Variants in SCAPER observed in about 807,000 individuals in gnomAD.
SCAPER encodes S phase cyclin A-associated protein in the endoplasmic reticulum.
In SCAPER, 98 loss-of-function variants were observed where a neutral mutation model predicts 182.2. The observed-to-expected ratio is 0.54, with a 90% CI of 0.46 to 0.64. SCAPER has a LOEUF of 0.64. Ranked by LOEUF, SCAPER falls within the 30% of genes least tolerant of loss-of-function variation. The probability of loss-of-function intolerance (pLI) is 0.00; values close to 1 mark genes in which losing one functional copy is unlikely to be tolerated. For synonymous variants in SCAPER, 605 were observed against 564.6 expected (o/e 1.07, Z -1.01); for missense variants, 1,432 against 1,690.0 (o/e 0.85, Z 2.68).
intron 7 of SCAPER, among the ~76,000 whole-genome samples, chr15:76,798,593 G>A (rs1020626053): frequency 2.6e-5 from 4 of 151,958 alleles, no homozygotes; most frequent in Admixed American, 6.6e-5. Flanking sequence ...TAATCTCAGA[G>A]AGCCACACTT....
At chr15:76,827,951 G>A (rs1002677746) in intron 5 of SCAPER, among the ~76,000 whole-genome samples, 2 of 152,106 alleles carry the variant, frequency 1.3e-5, no homozygotes, top group African/African-American at 4.8e-5. Flanking sequence ...TGGCTTTAAG[G>A]GATAATTGGG....
At chr15:76,742,079 T>C (rs1285466179) in intron 15 of SCAPER, among the ~76,000 whole-genome samples, 1 of 152,006 alleles carries the variant, frequency 6.6e-6, no homozygotes, top group Non-Finnish European at 1.5e-5. Context: ...AAAATTAAGA[T>C]AGTGCAGAAG....
At chr15:76,541,946 A>G (rs1414960601) in intron 23 of SCAPER, among the ~76,000 whole-genome samples, 1 of 152,188 alleles carries the variant, frequency 6.6e-6, no homozygotes, top group African/African-American at 2.4e-5. Context: ...TGATCTTCCT[A>G]AACTGTCAGA....
At chr15:76,864,977 T>C (rs1375659997) in intron 2 of SCAPER, among the ~76,000 whole-genome samples, 1 of 152,200 alleles carries the variant, frequency 6.6e-6, no homozygotes, top group Non-Finnish European at 1.5e-5. Context: ...TCCTTGGCAG[T>C]AAATACTTCA....
intron 23 of SCAPER, among the ~76,000 whole-genome samples, chr15:76,551,238 G>C (rs956002422): frequency 6.6e-6 from 1 of 152,128 alleles, no homozygotes; most frequent in African/African-American, 2.4e-5. Flanking sequence ...AAATCAGTAT[G>C]TCAAAGAAAT....
At chr15:76,661,345 A>G (rs1298113573) in intron 21 of SCAPER, among the ~76,000 whole-genome samples, 1 of 152,202 alleles carries the variant, frequency 6.6e-6, no homozygotes, top group Non-Finnish European at 1.5e-5. Flanking sequence ...TAATTAAACT[A>G]AAGAGCTTCT....
rs200873386 is a variant in SCAPER at position 76,621,739 on chromosome 15, G to A, written c.2711+25C>T. The A allele has an allele frequency of 1.8e-4, 283 of 1,583,464 alleles. 2 individuals carry two copies. The highest frequency in any genetic ancestry group is 4.0e-5 in the Non-Finnish European group (47 of 1,160,746). ...GTTACAGGCATAGACTGAAGAAAAG[G>A]AGAACTAAAATGTGGAATACTCACT... On this transcript the variant is annotated intron_variant, in intron 22 of 31. Coordinates refer to ENST00000563290, the MANE Select transcript of SCAPER (RefSeq NM_020843.4).
At chr15:76,446,377 G>A (rs1282725560) in intron 25 of SCAPER, among the ~76,000 whole-genome samples, 2 of 152,156 alleles carry the variant, frequency 1.3e-5, no homozygotes, top group African/African-American at 4.8e-5. Flanking sequence ...TTAGATAAAT[G>A]AAAATCCAGG....
At chr15:76,844,858 A>G (rs2069888322) in intron 4 of SCAPER, among the ~76,000 whole-genome samples, 1 of 152,148 alleles carries the variant, frequency 6.6e-6, no homozygotes, top group East Asian at 1.9e-4. Flanking sequence ...TTCCAAAATC[A>G]TTCTATGAGG....
At chr15:76,545,431 G>C (rs1472536452) in intron 23 of SCAPER, among the ~76,000 whole-genome samples, 1 of 152,040 alleles carries the variant, frequency 6.6e-6, no homozygotes, top group African/African-American at 2.4e-5. Context: ...CCTTATAAAG[G>C]TTCCTTTGAT....
At chr15:76,480,201 C>A (rs1012872309) in intron 24 of SCAPER, among the ~76,000 whole-genome samples, 1 of 152,172 alleles carries the variant, frequency 6.6e-6, no homozygotes, top group Non-Finnish European at 1.5e-5. Context: ...AGCCCCAATG[C>A]ATATGTAATT....
At chr15:76,547,019 C>T (rs1258713082) in intron 23 of SCAPER, among the ~76,000 whole-genome samples, 1 of 152,118 alleles carries the variant, frequency 6.6e-6, no homozygotes, top group Non-Finnish European at 1.5e-5. Context: ...CATCCTTGTA[C>T]AGATCTCACC....
intron 13 of SCAPER, 58 bp downstream of exon 13, chr15:76,765,279 C>A: frequency 2.9e-6 from 4 of 1,362,742 alleles, no homozygotes; most frequent in South Asian, 1.3e-5. Flanking sequence ...ATTTAACAGT[C>A]AAGAGTGGCT....
intron 10 of SCAPER, among the ~76,000 whole-genome samples, chr15:76,768,141 G>T (rs1017227615): frequency 1.3e-5 from 2 of 152,098 alleles, no homozygotes; most frequent in African/African-American, 4.8e-5. Flanking sequence ...AAAGCAGTCT[G>T]ACAGTTGCTC....
intron 15 of SCAPER, among the ~76,000 whole-genome samples, chr15:76,737,904 G>C (rs1242218180): frequency 3.9e-5 from 6 of 152,142 alleles, no homozygotes; most frequent in Non-Finnish European, 8.8e-5. Flanking sequence ...CACAGAATTG[G>C]AAGTAGTCGG....
intron 22 of SCAPER, among the ~76,000 whole-genome samples, chr15:76,609,004 C>G (rs902867916): frequency 6.6e-6 from 1 of 152,174 alleles, no homozygotes; most frequent in Non-Finnish European, 1.5e-5. Context: ...TGCTTCGGCT[C>G]GCGCACAGTG....
At chr15:76,394,913 G>GT (rs2043947678) in intron 27 of SCAPER, among the ~76,000 whole-genome samples, 1 of 152,080 alleles carries the variant, frequency 6.6e-6, no homozygotes, top group African/African-American at 2.4e-5. Flanking sequence ...TAGTCACCCT[G>GT]TTGTGATATC....
At chr15:76,563,699 A>G (rs988386621) in intron 23 of SCAPER, among the ~76,000 whole-genome samples, 14 of 152,192 alleles carry the variant, frequency 9.2e-5, no homozygotes, top group African/African-American at 3.1e-4. Context: ...CAAAACCTGG[A>G]AGAGATACAA....
chr15:76,559,430 G>A (rs751108785), intron 23 of SCAPER, among the ~76,000 whole-genome samples: 2 of 151,854 alleles, frequency 1.3e-5, no homozygotes, highest in Non-Finnish European at 2.9e-5. Context: ...TGTAAATAAG[G>A]TGCCTTGCTT....
Sources: gnomAD v4.1 joint callset for allele counts (sites outside exome capture counted in the v4.1 genomes callset) on GRCh38, gnomAD v4.1.1 for gene constraint, MANE v1.5 for transcripts, NCBI Gene and HGNC (gene_info 2026-07-23, HGNC 2026-07-21) for gene names.